DUS1L: variants seen among roughly 807,000 people sequenced by gnomAD.
The protein encoded by DUS1L is dihydrouridine synthase 1 like.
Under a neutral mutation model 61.2 loss-of-function variants are expected in DUS1L, and 56 were observed. The observed-to-expected ratio is 0.92, with a 90% confidence interval of 0.74 to 1.14. The LOEUF is 1.14. Among genes scored for constraint, DUS1L ranks in the 50% most tolerant of loss-of-function variants. The pLI is 0.00. For synonymous variants in DUS1L, 278 were observed against 259.5 expected (o/e 1.07, Z -0.69); for missense variants, 630 against 632.4 (o/e 1.00, Z 0.04).
rs756116742 is a variant in DUS1L at position 82,063,465 on chromosome 17, C to T, written c.397+3G>A. ...TCCTTCACCATCCACCCAGCCAACT[C>T]ACTCATTCTTTGGAGCAGGTCCCAC... is the stretch of plus-strand genomic sequence containing the variant. On this transcript the variant is annotated splice_donor_region_variant and intron_variant, in intron 4 of 13. Coordinates refer to ENST00000306796, the MANE Select transcript of DUS1L (RefSeq NM_022156.5). The T allele has an allele frequency of 2.5e-6, 4 of 1,613,798 alleles. No individual in the cohort carries two copies. The South Asian group carries it at 4.4e-5, about 18-fold the overall frequency.
In DUS1L at chr17:82,064,793, GCGGCCGCGGC is replaced by G; in HGVS notation, c.237+20_237+29del. 2.5e-6 allele frequency: 4 copies of G among 1,578,940 alleles called. No individual in the cohort carries two copies. The highest frequency in any genetic ancestry group is 2.6e-6 in the Non-Finnish European group (3 of 1,161,240). On this transcript the variant is annotated intron_variant, in intron 2 of 13. Transcript: ENST00000306796. ...GCATTCCAGGACCGGGAACCCAACC[GCGGCCGCGGC>G]CACAGCCCCTCCTGCGCACCTGCAC...
At chr17:82,065,373 CGGGCCTGGCCCTGAGCAG>C (rs988038167) in intron 1 of DUS1L, 1 of 342,398 alleles carries the variant, frequency 2.9e-6, no homozygotes, top group African/African-American at 2.1e-5. Context: ...AGCGTCCCCG[CGGGCCTGGCCCTGAGCAG>C]GCCGCCCGGC....
At chr17:82,060,244 T>C in intron 10 of DUS1L, 151 bp from the exon 11 acceptor site, 1 of 1,053,332 alleles carries the variant, frequency 9.5e-7, no homozygotes, top group Non-Finnish European at 1.3e-6. Flanking sequence ...GGGCAGCCCA[T>C]TCAGGACTCG....
At chr17:82,062,122 C>G in intron 5 of DUS1L, 139 bp from the exon 6 acceptor site, 2 of 724,006 alleles carry the variant, frequency 2.8e-6, no homozygotes, top group Non-Finnish European at 4.4e-6. Flanking sequence ...GCCCCATGCC[C>G]GACTGCAGGG....
intron 12 of DUS1L, 91 bp downstream of exon 12, chr17:82,058,690 G>GCA: frequency 6.3e-7 from 1 of 1,585,480 alleles, no homozygotes; most frequent in Non-Finnish European, 8.6e-7. Context: ...AGCTGGGCGG[G>GCA]CACCAGACCT....
chr17:82,065,217 C>A (rs944689966), intron 1 of DUS1L, 148 bp from the exon 2 acceptor site: 3 of 688,882 alleles, frequency 4.4e-6, no homozygotes, highest in South Asian at 2.0e-5. Context: ...TCGGTGCAGG[C>A]TGGAGAACGG....
chr17:82,058,299 G>A (rs1337903076), intron 13 of DUS1L, 42 bp downstream of exon 13: 3 of 1,533,468 alleles, frequency 2.0e-6, no homozygotes, highest in Non-Finnish European at 2.6e-6. Flanking sequence ...AGGCGGAGGG[G>A]GTCTGTTTGC....
chr17:82,058,521 G>T (rs750451136), intron 12 of DUS1L, 105 bp from the exon 13 acceptor site: 1 of 1,465,158 alleles, frequency 6.8e-7, no homozygotes, highest in Non-Finnish European at 9.0e-7. Flanking sequence ...AGATGCCCAC[G>T]GCCTGGATGC....
At chr17:82,065,219 G>A in intron 1 of DUS1L, 150 bp from the exon 2 acceptor site, 1 of 668,294 alleles carries the variant, frequency 1.5e-6, no homozygotes, top group Non-Finnish European at 2.5e-6. Flanking sequence ...GGTGCAGGCT[G>A]GAGAACGGCC....
chr17:82,064,778 A>AC, intron 2 of DUS1L, 45 bp downstream of exon 2: 1 of 1,294,360 alleles, frequency 7.7e-7, no homozygotes, highest in Non-Finnish European at 1.1e-6. Context: ...GCATTCCAGG[A>AC]CCGGGAACCC....
In DUS1L at chr17:82,057,993, AG is replaced by A; in HGVS notation, c.*121del. On this transcript the variant is annotated 3_prime_UTR_variant, in exon 14 of 14. Transcript: ENST00000306796. ...TTTCCAGGCCCCCAGAGTGGGCCGA[AG>A]GGGGACATGGGCGTGTCTTTCCACA... The A allele has an allele frequency of 7.7e-7, 1 of 1,305,082 alleles. No homozygotes were observed. The highest frequency in any genetic ancestry group is 2.6e-5 in the East Asian group (1 of 38,020). 80.8% of individuals were successfully genotyped at this position (1,305,082 alleles called of 1,614,324 possible). A position where few individuals can be genotyped will look rare whatever the true frequency, so the allele number is the denominator to read the frequency against.
Position 82,061,642 on chromosome 17 carries a change from C to T in DUS1L, c.673G>A (p.Gly225Ser), listed in dbSNP as rs1324612243. The T allele has an allele frequency of 6.2e-7, 1 of 1,612,612 alleles. No individual in the cohort carries two copies. The highest frequency in any genetic ancestry group is 1.7e-5 in the Admixed American group (1 of 60,024). ...QDVERCLRDT[G>S]VQGVMSAEGN... Reference sequence around the variant, plus strand: ...CCTGCGCTCATGACGCCCTGCACACCCGTGTCCCGGAGGCAGCGCTCCACG... The same window carrying T: ...CCTGCGCTCATGACGCCCTGCACACTCGTGTCCCGGAGGCAGCGCTCCACG... The change falls in exon 7 of 14, where the codon GGT becomes AGT. Residue 225 changes from glycine to serine, a missense_variant. Physicochemically the swap from Gly to Ser is moderately conservative, Grantham distance 56. Transcript: ENST00000306796.
intron 11 of DUS1L, 101 bp downstream of exon 11, chr17:82,059,847 G>A (rs116851942): frequency 0.03 from 45,964 of 1,533,784 alleles, 1,011 homozygotes; most frequent in Non-Finnish European, 0.032. Context: ...TCTGGGCCTT[G>A]AGCCTTGCTG....
At chr17:82,061,092 AGACCTGACTTAGCAGCAAGTTGTT>A in intron 8 of DUS1L, 93 bp downstream of exon 8, 1 of 1,539,742 alleles carries the variant, frequency 6.5e-7, no homozygotes, top group Non-Finnish European at 8.8e-7. Flanking sequence ...CAGCCCCTCA[AGACCTGACTTAGCAGCAAGTTGTT>A]TTGACAAAAC....
intron 11 of DUS1L, 164 bp downstream of exon 11, chr17:82,059,784 A>AC (rs1433619076): frequency 1.0e-5 from 10 of 965,194 alleles, no homozygotes; most frequent in Non-Finnish European, 1.6e-5. Flanking sequence ...CCCCGTTCTG[A>AC]CCCCAAGTCT....
At chr17:82,061,459 A>G in intron 7 of DUS1L, 106 bp from the exon 8 acceptor site, 5 of 1,485,672 alleles carry the variant, frequency 3.4e-6, no homozygotes, top group Non-Finnish European at 4.5e-6. Flanking sequence ...CTCACAAGGG[A>G]CAAGGCCAGC....
At chr17:82,064,310 A>G (rs2033659248) in intron 2 of DUS1L, 76 bp from the exon 3 acceptor site, 1 of 1,284,436 alleles carries the variant, frequency 7.8e-7, no homozygotes, top group Non-Finnish European at 1.1e-6. Context: ...CGAGAGGTCC[A>G]GTGTGACCCC....
intron 11 of DUS1L, 140 bp downstream of exon 11, chr17:82,059,808 G>C (rs560800491): frequency 4.7e-6 from 6 of 1,282,298 alleles, no homozygotes; most frequent in Non-Finnish European, 6.6e-6. Context: ...TGACTACTCC[G>C]CCAAGCCCTC....
intron 2 of DUS1L, among the ~76,000 whole-genome samples, chr17:82,064,563 C>T (rs1338347087): frequency 6.6e-6 from 1 of 152,158 alleles, no homozygotes; most frequent in Non-Finnish European, 1.5e-5. Flanking sequence ...CTCACAGCAC[C>T]CAGGCTGCCT....
Sources: gnomAD v4.1 joint callset for allele counts (sites outside exome capture counted in the v4.1 genomes callset) on GRCh38, gnomAD v4.1.1 for gene constraint, MANE v1.5 for transcripts, NCBI Gene and HGNC (gene_info 2026-07-23, HGNC 2026-07-21) for gene names.